Variants in NELL2 observed in about 807,000 individuals in gnomAD.
The protein encoded by NELL2 is neural EGFL like 2.
A neutral mutation model predicts 109.6 loss-of-function variants in NELL2; 41 were observed. That is an observed-to-expected ratio of 0.37 (90% confidence interval 0.29 to 0.49). The LOEUF (loss-of-function observed/expected upper bound fraction) is 0.49. Ranked by LOEUF, NELL2 falls within the 20% of genes least tolerant of loss-of-function variation. The probability of loss-of-function intolerance (pLI) is 0.98; values close to 1 mark genes in which losing one functional copy is unlikely to be tolerated. For synonymous variants in NELL2, 355 were observed against 344.7 expected (o/e 1.03, Z -0.33); for missense variants, 900 against 1,008.3 (o/e 0.89, Z 1.45).
intron 15 of NELL2, among the ~76,000 whole-genome samples, chr12:44,591,089 C>T (rs1158473816): frequency 6.6e-6 from 1 of 152,056 alleles, no homozygotes; most frequent in Admixed American, 6.6e-5. Context: ...CATCTTACCA[C>T]AGTTAGAATG....
intron 15 of NELL2, among the ~76,000 whole-genome samples, chr12:44,597,702 G>GA (rs1447395349): frequency 1.3e-5 from 2 of 152,110 alleles, no homozygotes. Context: ...CAAGCCCTAT[G>GA]AAAAACACAA....
At chr12:44,594,891 TTTGTAA>T (rs1163721380) in intron 15 of NELL2, among the ~76,000 whole-genome samples, 13 of 152,116 alleles carry the variant, frequency 8.5e-5, no homozygotes, top group African/African-American at 3.1e-4. Context: ...TACCTTCTGG[TTTGTAA>T]TTAAGTTTTA....
intron 11 of NELL2, among the ~76,000 whole-genome samples, chr12:44,707,318 T>A (rs1447720286): frequency 1.3e-5 from 2 of 152,112 alleles, no homozygotes; most frequent in African/African-American, 4.8e-5. Context: ...ATGCTGAGCT[T>A]TTTCTTCCAC....
At chr12:44,875,046 A>C in intron 2 of NELL2, 179 bp downstream of exon 2, 1 of 735,410 alleles carries the variant, frequency 1.4e-6, no homozygotes, top group South Asian at 2.1e-5. Context: ...AGGGTGAGGC[A>C]GGGGAGAAAA....
intron 2 of NELL2, among the ~76,000 whole-genome samples, chr12:44,835,595 C>T (rs1035291463): frequency 2.0e-5 from 3 of 152,236 alleles, no homozygotes; most frequent in Admixed American, 1.3e-4. Flanking sequence ...TCTAAAACAT[C>T]ACTGGTTGAT....
At chr12:44,739,852 T>C (rs1939854432) in intron 9 of NELL2, among the ~76,000 whole-genome samples, 1 of 152,142 alleles carries the variant, frequency 6.6e-6, no homozygotes, top group South Asian at 2.1e-4. Flanking sequence ...ATTGCGCGAC[T>C]GCACTCCAGC....
chr12:44,746,014 AGCT>A, intron 9 of NELL2, among the ~76,000 whole-genome samples: 1 of 152,304 alleles, frequency 6.6e-6, no homozygotes, highest in African/African-American at 2.4e-5. Flanking sequence ...AAAAGAACAA[AGCT>A]GGAGGCATCA....
At chr12:44,563,810 G>A (rs1363913480) in intron 15 of NELL2, among the ~76,000 whole-genome samples, 2 of 152,162 alleles carry the variant, frequency 1.3e-5, no homozygotes, top group Admixed American at 6.5e-5. Flanking sequence ...TGACAGATAG[G>A]TTTGAAGAAA....
chr12:44,654,125 C>G (rs1306970137), intron 13 of NELL2, among the ~76,000 whole-genome samples: 1 of 152,184 alleles, frequency 6.6e-6, no homozygotes, highest in Non-Finnish European at 1.5e-5. Context: ...GCTCTCTGCA[C>G]ATTTTTTGGC....
chr12:44,799,845 A>G (rs1383618979), intron 3 of NELL2, among the ~76,000 whole-genome samples: 1 of 152,198 alleles, frequency 6.6e-6, no homozygotes, highest in Non-Finnish European at 1.5e-5. Context: ...TAGAGGCTCA[A>G]ATAAAATATC....
chr12:44,658,863 C>T (rs1433582009), intron 13 of NELL2, among the ~76,000 whole-genome samples: 3 of 102,294 alleles, frequency 2.9e-5, no homozygotes, highest in African/African-American at 8.0e-5. Context: ...GGCGACAGAG[C>T]AAGACTCTGT....
At chr12:44,627,426 T>C (rs1042923458) in intron 13 of NELL2, among the ~76,000 whole-genome samples, 2 of 136,438 alleles carry the variant, frequency 1.5e-5, no homozygotes, top group Non-Finnish European at 3.1e-5. Context: ...AAAGCAGATG[T>C]ACCAAAAAAA....
At chr12:44,556,344 G>T (rs1344040834) in intron 15 of NELL2, among the ~76,000 whole-genome samples, 2 of 152,188 alleles carry the variant, frequency 1.3e-5, no homozygotes, top group African/African-American at 4.8e-5. Context: ...GGGAAAAAAG[G>T]ATAGGCAGAG....
At chr12:44,753,353 T>C (rs10880668) in intron 9 of NELL2, among the ~76,000 whole-genome samples, 104,432 of 151,752 alleles carry the variant, frequency 0.69, 36,253 homozygotes, top group Non-Finnish European at 0.74. Context: ...GACTACTGCC[T>C]AGTACATGGG....
At chr12:44,824,669 AT>A (rs1467623148) in intron 2 of NELL2, among the ~76,000 whole-genome samples, 17 of 1,302 alleles carry the variant, frequency 0.013, no homozygotes, top group Admixed American at 0.085. Context: ...TTATTTATTT[AT>A]TTATTTATTT....
chr12:44,647,748 A>AC (rs397726766), intron 13 of NELL2, among the ~76,000 whole-genome samples: 2 of 151,858 alleles, frequency 1.3e-5, no homozygotes, highest in African/African-American at 4.8e-5. Context: ...GTGAAGAAAA[A>AC]ATAAAAAATA....
At chr12:44,570,546 G>A (rs1390175962) in intron 15 of NELL2, among the ~76,000 whole-genome samples, 3 of 152,048 alleles carry the variant, frequency 2.0e-5, no homozygotes, top group Non-Finnish European at 4.4e-5. Flanking sequence ...AAAAAAACTT[G>A]TTTGGATTTT....
In NELL2 at chr12:44,571,587, T is replaced by C. The variant is rs529698601; in HGVS notation, c.1663+35582A>G. The stretch of plus-strand genomic sequence containing the variant: ...CTTCAGAAGAGTTCTTGCCACATCG[T>C]AGGCATCCAATATAAATTGATCAAA... On this transcript the variant is annotated intron_variant, in intron 15 of 19. Transcript: ENST00000429094. Among the ~76,000 whole-genome samples, 751 of 152,346 alleles carry C rather than the reference T, an allele frequency of 4.9e-3. 7 individuals carry two copies. Among genetic ancestry groups the C allele is most frequent in the African/African-American group, 0.015 (643 of 41,590 alleles).
At chr12:44,561,470 A>T (rs1203600147) in intron 15 of NELL2, among the ~76,000 whole-genome samples, 3 of 152,204 alleles carry the variant, frequency 2.0e-5, no homozygotes, top group African/African-American at 7.2e-5. Context: ...CTGATAAGCA[A>T]CTTCAGCAAA....
Sources: gnomAD v4.1 joint callset for allele counts (sites outside exome capture counted in the v4.1 genomes callset) on GRCh38, gnomAD v4.1.1 for gene constraint, MANE v1.5 for transcripts, NCBI Gene and HGNC (gene_info 2026-07-23, HGNC 2026-07-21) for gene names.